The following GOLGA8H variants were observed in gnomAD, a reference collection of about 807,000 sequenced individuals.
GOLGA8H encodes golgin A8 family member H, also known as golgin subfamily A member 8H.
A neutral mutation model predicts 82.7 loss-of-function variants in GOLGA8H; 47 were observed. The observed-to-expected ratio is 0.57, with a 90% CI of 0.45 to 0.73. GOLGA8H has a LOEUF of 0.73. Among genes scored for constraint, GOLGA8H ranks in the 30% least tolerant of loss-of-function variants. The pLI is 0.00. For synonymous variants in GOLGA8H, 108 were observed against 241.6 expected (o/e 0.45, Z 5.13); for missense variants, 372 against 661.0 (o/e 0.56, Z 4.79).
Position 30,614,960 on chromosome 15 carries a change from C to G in GOLGA8H, c.*399C>G, listed in dbSNP as rs3925204. ...ATGTACATTCACTACAGAATTCAGA[C>G]AAAATTTGCCTATGTTCTGCTGTTG... On this transcript the variant is annotated 3_prime_UTR_variant, in exon 19 of 19. Coordinates refer to ENST00000566740, the MANE Select transcript of GOLGA8H (RefSeq NM_001282490.2). Among the ~76,000 whole-genome samples the G allele has an allele frequency of 0.5, 75,621 of 151,212 alleles. 19,782 individuals carry two copies. The highest frequency in any genetic ancestry group is 0.55 in the African/African-American group (22,670 of 41,084).
intron 11 of GOLGA8H, among the ~76,000 whole-genome samples, 161 bp from the exon 12 acceptor site, chr15:30,610,605 T>G (rs1384196938): frequency 2.0e-5 from 3 of 150,288 alleles, no homozygotes; most frequent in African/African-American, 7.5e-5. Context: ...CCCGCAGTGC[T>G]CTTTCTCTGA....
chr15:30,609,958 C>G (rs1046464965), intron 9 of GOLGA8H, 41 bp from the exon 10 acceptor site: 2 of 1,603,636 alleles, frequency 1.2e-6, no homozygotes, highest in Non-Finnish European at 8.5e-7. Context: ...CAGGTGAGGA[C>G]CAGTGACAGC....
chr15:30,609,767 G>C (rs764606544), intron 8 of GOLGA8H, 39 bp from the exon 9 acceptor site: 7 of 1,550,534 alleles, frequency 4.5e-6, no homozygotes, highest in Non-Finnish European at 4.4e-6. Flanking sequence ...GAAATGCCCA[G>C]GCTCTCCAGA....
Position 30,608,702 on chromosome 15 carries a change from G to A in GOLGA8H, c.537G>A (p.Glu179=), listed in dbSNP as rs1178578346. 6.5e-7 allele frequency: 1 copy of A among 1,540,330 alleles called. No individual in the cohort carries two copies. The highest frequency in any genetic ancestry group is 1.1e-5 in the South Asian group (1 of 89,010). The change falls in exon 8 of 19, where the codon GAG becomes GAA. Residue 179 remains glutamate (E), a synonymous_variant. Transcript: ENST00000566740. ...AACATTCATTGCAGCGTAAAGGAGA[G>A]TTAGAGAGTGTTCTCTCTAATGTCA... ...CLQHSLQRKG[E]LESVLSNVMA... is the part of the protein sequence containing the mutation.
rs1456156560 is a variant in GOLGA8H, at chr15:30,606,099, A to C, written c.168+137A>C. ...GCCGGGTGTGGTGGCCCACGCCTGT[A>C]ATCCTAGCACTTTGGGAGGCCAAGG... On this transcript the variant is annotated intron_variant, in intron 2 of 18. Transcript: ENST00000566740. 2.1e-6 allele frequency: 3 copies of C among 1,445,142 alleles called. No homozygotes were observed. The Admixed American group carries it at 6.6e-5, about 32-fold the overall frequency. 89.5% of individuals were successfully genotyped at this position (1,445,142 alleles called of 1,614,324 possible).
chr15:30,609,893 G>T lies in GOLGA8H; in HGVS notation c.678+1G>T, dbSNP rs760568168. On this transcript the variant is annotated splice_donor_variant, in intron 9 of 18. Coordinates refer to ENST00000566740, the MANE Select transcript of GOLGA8H (RefSeq NM_001282490.2). LOFTEE classifies it high-confidence loss of function. ...ACTACTGAAAGTGCAGCTGACACAGGTGAGGTTTTCTGAGGGAGTTATGTG... is the reference window on the plus strand; with the variant it reads ...ACTACTGAAAGTGCAGCTGACACAGTTGAGGTTTTCTGAGGGAGTTATGTG... 3.1e-6 allele frequency: 5 copies of T among 1,587,826 alleles called. No homozygotes were observed. The highest frequency in any genetic ancestry group is 4.3e-6 in the Non-Finnish European group (5 of 1,160,018).
In GOLGA8H at chr15:30,610,071, C is replaced by T. The variant is rs186213122; in HGVS notation, c.751C>T (p.Arg251Trp). 5,924 of 1,611,198 alleles carry T rather than the reference C, an allele frequency of 3.7e-3. 63 individuals are homozygous for T. Among genetic ancestry groups the T allele is most frequent in the Non-Finnish European group, 3.9e-3 (4,544 of 1,179,718 alleles). The change falls in exon 10 of 19, where the codon CGG (arginine) becomes TGG (tryptophan). Residue 251 changes from arginine to tryptophan, a missense_variant. Physicochemically the swap from Arg to Trp is moderately radical, Grantham distance 101. Transcript: ENST00000566740. ...CAEHLKGERA[R>W]WQQRMRKMSQ... is the part of the protein sequence containing the mutation. The stretch of plus-strand genomic sequence containing the variant: ...TGAACATCTAAAAGGAGAGAGGGCC[C>T]GGTGGCAGCAGAGGATGAGAAAAAT...
At position 30,604,111 on chromosome 15, in the gene GOLGA8H, C is replaced by G. The variant is rs1748538197; in HGVS notation, c.-15C>G. On this transcript the variant is annotated 5_prime_UTR_variant, in exon 1 of 19. Coordinates refer to ENST00000566740, the MANE Select transcript of GOLGA8H (RefSeq NM_001282490.2). Reference sequence around the variant, plus strand: ...GCTGCTGTGACCCCAACCCTGCCTCCCTCCCCACCCTGCGATGGCAGAAGA... The same window carrying G: ...GCTGCTGTGACCCCAACCCTGCCTCGCTCCCCACCCTGCGATGGCAGAAGA... 6.5e-7 allele frequency: 1 copy of G among 1,529,736 alleles called. No homozygotes were observed. Among genetic ancestry groups the G allele is most frequent in the African/African-American group, 1.5e-5 (1 of 65,856 alleles). The allele number at this position is 1,529,736 out of a possible 1,614,324, so 94.8% of individuals were successfully genotyped here.
chr15:30,608,457 T>C lies in GOLGA8H; in HGVS notation c.397-10T>C, dbSNP rs1198313569. The C allele has an allele frequency of 2.3e-5, 37 of 1,609,252 alleles. 2 individuals are homozygous for C. Among genetic ancestry groups the C allele is most frequent in the Non-Finnish European group, 3.1e-5 (37 of 1,179,346 alleles). Reference sequence around the variant, plus strand: ...TCTCTTTCAGCACTTGCTTGGCTTTTCTCCCAAAGGTTCAAATCCAGACAT... The same window carrying C: ...TCTCTTTCAGCACTTGCTTGGCTTTCCTCCCAAAGGTTCAAATCCAGACAT... On this transcript the variant is annotated splice_polypyrimidine_tract_variant and intron_variant, in intron 6 of 18. Coordinates refer to ENST00000566740, the MANE Select transcript of GOLGA8H (RefSeq NM_001282490.2).
chr15:30,613,818 G>C lies in GOLGA8H; in HGVS notation c.1417G>C (p.Val473Leu), dbSNP rs200622974. Residue 473 changes from valine (V) to leucine (L), a missense_variant, in exon 16 of 19, where the codon GTG becomes CTG. Coordinates refer to ENST00000566740, the MANE Select transcript of GOLGA8H (RefSeq NM_001282490.2). ...LEEKADLSEL[V>L]KKKELCFIHH... Reference sequence around the variant, plus strand: ...GGAGAAGGCAGACCTGAGTGAGCTGGTGAAGAAAAAAGAACTCTGCTTCAT... The same window carrying C: ...GGAGAAGGCAGACCTGAGTGAGCTGCTGAAGAAAAAAGAACTCTGCTTCAT... 146 of 1,600,258 alleles carry C rather than the reference G, an allele frequency of 9.1e-5. 3 individuals are homozygous for C. The highest frequency in any genetic ancestry group is 1.2e-4 in the Non-Finnish European group (144 of 1,178,942).
chr15:30,608,986 A>G (rs2912167), intron 8 of GOLGA8H, among the ~76,000 whole-genome samples: 27,441 of 86,160 alleles, frequency 0.32, 6,093 homozygotes, highest in African/African-American at 0.45. Context: ...TGGAGGCCAA[A>G]TGCCTGCCCC....
intron 13 of GOLGA8H, among the ~76,000 whole-genome samples, chr15:30,611,573 G>A (rs2060020802): frequency 6.6e-6 from 1 of 150,404 alleles, no homozygotes; most frequent in African/African-American, 2.5e-5. Flanking sequence ...CCAGCTAGAG[G>A]CATGGAGCCC....
rs766281751 is a variant in GOLGA8H at position 30,608,486 on chromosome 15, A to T, written c.416A>T (p.Asn139Ile). 5 of 1,610,874 alleles carry T rather than the reference A, an allele frequency of 3.1e-6. No individual in the cohort carries two copies. The highest frequency in any genetic ancestry group is 4.5e-5 in the East Asian group (2 of 44,784). ...RVLEVQIQTL[N>I]IQKGKLNTDL... is the part of the protein sequence containing the mutation. ...CCAAAGGTTCAAATCCAGACATTGA[A>T]CATACAGAAAGGGAAACTAAATACG... Residue 139 changes from asparagine to isoleucine, a missense_variant, in exon 7 of 19, where the codon AAC becomes ATC. Asn to Ile is a moderately radical substitution (Grantham distance 149). Coordinates refer to ENST00000566740, the MANE Select transcript of GOLGA8H (RefSeq NM_001282490.2).
In GOLGA8H at chr15:30,610,029, G is replaced by C. The variant is rs1402009769; in HGVS notation, c.709G>C (p.Glu237Gln). ...LKESFQQVQL[E>Q]RDECAEHLKG... ...GGAGTCATTTCAACAAGTCCAATTA[G>C]AAAGAGATGAGTGTGCTGAACATCT... The change falls in exon 10 of 19, where the codon GAA becomes CAA. Residue 237 changes from glutamate (E) to glutamine (Q), a missense_variant. Glu to Gln is a conservative substitution (Grantham distance 29, BLOSUM62 2). Coordinates refer to ENST00000566740, the MANE Select transcript of GOLGA8H (RefSeq NM_001282490.2). 5.0e-6 allele frequency: 8 copies of C among 1,611,666 alleles called. No individual in the cohort carries two copies. In the Admixed American group the frequency reaches 5.0e-5, roughly 10 times the overall value.
rs920291536 is a variant in GOLGA8H at position 30,609,869 on chromosome 15, C to G, written c.655C>G (p.Leu219Val). The stretch of plus-strand genomic sequence containing the variant: ...AGAGCAGTCCATGCGGGAGGAGGCA[C>G]TACTGAAAGTGCAGCTGACACAGGT... ...KLEQSMREEA[L>V]LKVQLTQLKE... is the part of the protein sequence containing the mutation. The change falls in exon 9 of 19, where the codon CTA (leucine) becomes GTA (valine). Residue 219 changes from leucine (L) to valine (V), a missense_variant. Transcript: ENST00000566740. The G allele has an allele frequency of 6.2e-7, 1 of 1,600,266 alleles. No individual in the cohort carries two copies. Among genetic ancestry groups the G allele is most frequent in the African/African-American group, 1.4e-5 (1 of 74,044 alleles).
In GOLGA8H at chr15:30,614,634, ACAATT is replaced by A. The variant is rs2060082786; in HGVS notation, c.*76_*80del. 1.5e-6 allele frequency: 2 copies of A among 1,321,754 alleles called. No individual in the cohort carries two copies. Among genetic ancestry groups the A allele is most frequent in the African/African-American group, 3.0e-5 (2 of 67,490 alleles). 81.9% of individuals were successfully genotyped at this position (1,321,754 alleles called of 1,614,324 possible). A position where few individuals can be genotyped will look rare whatever the true frequency, so the allele number is the denominator to read the frequency against. On this transcript the variant is annotated 3_prime_UTR_variant, in exon 19 of 19. Transcript: ENST00000566740. ...CCAAGTTATGGGGTTAATCTCCTAC[ACAATT>A]CATTTACTTCCTTTGAATGTTAGAG...
chr15:30,606,198 CA>C (rs2059921590), intron 2 of GOLGA8H, among the ~76,000 whole-genome samples: 1 of 151,410 alleles, frequency 6.6e-6, no homozygotes, highest in African/African-American at 2.4e-5. Flanking sequence ...ACTAAAAATA[CA>C]AAAACATTAG....
rs935568219 is a variant in GOLGA8H, at chr15:30,616,026, T to C, written c.*1465T>C. On this transcript the variant is annotated 3_prime_UTR_variant, in exon 19 of 19. Coordinates refer to ENST00000566740, the MANE Select transcript of GOLGA8H (RefSeq NM_001282490.2). The stretch of plus-strand genomic sequence containing the variant: ...TATACAATCACAGAGCTATATTTTC[T>C]CACAGACTTCTTTACAAAGTGAAAT... Among the ~76,000 whole-genome samples the C allele has an allele frequency of 1.3e-5, 2 of 151,950 alleles. No homozygotes were observed. The highest frequency in any genetic ancestry group is 1.3e-4 in the Admixed American group (2 of 15,238).
At chr15:30,609,953 G>A in intron 9 of GOLGA8H, 46 bp from the exon 10 acceptor site, 1 of 1,601,538 alleles carries the variant, frequency 6.2e-7, no homozygotes, top group Non-Finnish European at 8.5e-7. Context: ...AGGAGCAGGT[G>A]AGGACCAGTG....
Sources: gnomAD v4.1 joint callset for allele counts (sites outside exome capture counted in the v4.1 genomes callset) on GRCh38, gnomAD v4.1.1 for gene constraint, MANE v1.5 for transcripts, NCBI Gene and HGNC (gene_info 2026-07-23, HGNC 2026-07-21) for gene names.